The following MUC3A variants were observed in gnomAD, a reference collection of about 807,000 sequenced individuals.
The protein encoded by MUC3A is mucin 3A, cell surface associated, also known as mucin-3A.
Under a neutral mutation model 109.0 loss-of-function variants are expected in MUC3A, and 109 were observed. The observed-to-expected ratio is 1.00, with a 90% confidence interval of 0.86 to 1.17. The LOEUF (loss-of-function observed/expected upper bound fraction) is 1.17. Ranked by LOEUF, MUC3A falls within the 50% of genes most tolerant of loss-of-function variation. The probability of loss-of-function intolerance (pLI) is 0.00; values close to 1 mark genes in which losing one functional copy is unlikely to be tolerated. For missense variants in MUC3A, 3,537 were observed against 2,469.4 expected (o/e 1.43, Z -9.16); for synonymous variants, 1,398 against 981.4 (o/e 1.42, Z -7.93).
rs1267895635 is a variant in MUC3A at position 100,960,625 on chromosome 7, C to G, written c.8846C>G (p.Ser2949Cys). 2 of 1,598,042 alleles carry G rather than the reference C, an allele frequency of 1.3e-6. No individual in the cohort carries two copies. Among genetic ancestry groups the G allele is most frequent in the Non-Finnish European group, 1.7e-6 (2 of 1,179,442 alleles). The change falls in exon 2 of 12, where the codon TCC (serine) becomes TGC (cysteine). Residue 2949 changes from serine to cysteine, a missense_variant. Transcript: ENST00000379458. ...ATCACTTCTCAGATGACCACACAGTCCACGTTGACCACCACTGCAGGTTGG... is the reference window on the plus strand; with the variant it reads ...ATCACTTCTCAGATGACCACACAGTGCACGTTGACCACCACTGCAGGTTGG... Reference protein sequence around the residue: ...TRITSQMTTQSTLTTTAGTCD... With the variant: ...TRITSQMTTQCTLTTTAGTCD...
At chr7:100,951,306 G>T (rs1303235439) in intron 1 of MUC3A, among the ~76,000 whole-genome samples, 1 of 152,298 alleles carries the variant, frequency 6.6e-6, no homozygotes, top group Non-Finnish European at 1.5e-5. Flanking sequence ...TCTTTGTTCA[G>T]CTTTCCCTGT....
intron 7 of MUC3A, 59 bp from the exon 8 acceptor site, chr7:100,965,645 G>A (rs968214503): frequency 2.7e-5 from 42 of 1,549,894 alleles, no homozygotes; most frequent in Non-Finnish European, 3.4e-5. Context: ...CCGTTATCAG[G>A]CCCCTGAATA....
intron 1 of MUC3A, among the ~76,000 whole-genome samples, chr7:100,950,675 C>A (rs1432449358): frequency 6.6e-6 from 1 of 152,288 alleles, no homozygotes; most frequent in Admixed American, 6.5e-5. Context: ...GTCCCTGACA[C>A]CCCCGACAGC....
chr7:100,952,567 T>C lies in MUC3A; in HGVS notation c.788T>C (p.Ile263Thr), dbSNP rs1210580212. ...VTSTSPITSS[I>T]TSTNTVTSMT... ...TCCACTTCCCCCATCACTTCTTCAATCACTTCCACAAATACAGTGACTTCT... is the reference window on the plus strand; with the variant it reads ...TCCACTTCCCCCATCACTTCTTCAACCACTTCCACAAATACAGTGACTTCT... The change falls in exon 2 of 12, where the codon ATC becomes ACC. Residue 263 changes from isoleucine (I) to threonine (T), a missense_variant. Physicochemically the swap from Ile to Thr is moderately conservative, Grantham distance 89. Transcript: ENST00000379458. The C allele has an allele frequency of 4.4e-6, 7 of 1,598,370 alleles. No individual in the cohort carries two copies. Among genetic ancestry groups the C allele is most frequent in the Non-Finnish European group, 5.9e-6 (7 of 1,179,744 alleles).
chr7:100,953,561 AGG>A lies in MUC3A; in HGVS notation c.1783_1784del (p.Gly595AsnfsTer15). The A allele has an allele frequency of 4.7e-6, 2 of 423,328 alleles. No individual in the cohort carries two copies. The highest frequency in any genetic ancestry group is 8.4e-5 in the South Asian group (1 of 11,976). The allele number at this position is 423,328 out of a possible 1,614,324, so 26.2% of individuals were successfully genotyped here. The part of the protein sequence containing the change: ...EPPSTTAATT[G>X]TGQTTFTSST... ...CACCTTCAACCACTGCAGCAACTACAGGAACAGGTCAGACCACCTTCACCAGC... is the reference window on the plus strand; with the variant it reads ...CACCTTCAACCACTGCAGCAACTACAAACAGGTCAGACCACCTTCACCAGC... On this transcript the variant is annotated frameshift_variant, in exon 2 of 12. Transcript: ENST00000379458. LOFTEE classifies it high-confidence loss of function.
chr7:100,967,148 T>G lies in MUC3A; in HGVS notation c.9958T>G (p.Ser3320Ala). The G allele has an allele frequency of 2.5e-6, 4 of 1,598,556 alleles. No homozygotes were observed. Among genetic ancestry groups the G allele is most frequent in the Non-Finnish European group, 2.5e-6 (3 of 1,179,826 alleles). The change falls in exon 12 of 12, where the codon TCG becomes GCG. Residue 3320 changes from serine (S) to alanine (A), a missense_variant. By Grantham distance (99) the Ser-to-Ala change is moderately conservative (BLOSUM62 1). Transcript: ENST00000379458. Reference protein sequence around the residue: ...KVHIKRPEMTSSSV With the variant: ...KVHIKRPEMTASSV ...GCACATCAAGAGACCCGAGATGACCTCGTCCTCAGTGTGAGCCCTGCGGGG... is the reference window on the plus strand; with the variant it reads ...GCACATCAAGAGACCCGAGATGACCGCGTCCTCAGTGTGAGCCCTGCGGGG...
rs371536285 is a variant in MUC3A, at chr7:100,960,019, C to G, written c.8240C>G (p.Ser2747Cys). Reference protein sequence around the residue: ...ATTSTSSTSSSLTTALTEITP... With the variant: ...ATTSTSSTSSCLTTALTEITP... Reference sequence around the variant, plus strand: ...ACCAGCACTTCTTCAACCAGCTCCTCTCTGACCACAGCTCTCACTGAAATA... The same window carrying G: ...ACCAGCACTTCTTCAACCAGCTCCTGTCTGACCACAGCTCTCACTGAAATA... The change falls in exon 2 of 12, where the codon TCT becomes TGT. Residue 2747 changes from serine to cysteine, a missense_variant. By Grantham distance (112) the Ser-to-Cys change is moderately radical (BLOSUM62 -1). Transcript: ENST00000379458. 2,145 of 1,509,700 alleles carry G rather than the reference C, an allele frequency of 1.4e-3. No homozygotes were observed. The highest frequency in any genetic ancestry group is 1.8e-3 in the Non-Finnish European group (2,048 of 1,140,814). 93.5% of individuals were successfully genotyped at this position (1,509,700 alleles called of 1,614,324 possible).
In MUC3A at chr7:100,959,620, T is replaced by C. The variant is rs1378395176; in HGVS notation, c.7841T>C (p.Leu2614Pro). 4 of 1,598,450 alleles carry C rather than the reference T, an allele frequency of 2.5e-6. No homozygotes were observed. The South Asian group carries it at 4.4e-5, about 18-fold the overall frequency. Residue 2614 changes from leucine to proline, a missense_variant, in exon 2 of 12, where the codon CTT becomes CCT. Leu to Pro is a moderately conservative substitution (Grantham distance 98). Transcript: ENST00000379458. The part of the protein sequence containing the change: ...TDSSTSTLHT[L>P]TPSTALSTIV... ...TCCTCCACGTCCACTCTTCATACTCTTACTCCATCAACAGCCTTGAGCACG... is the reference window on the plus strand; with the variant it reads ...TCCTCCACGTCCACTCTTCATACTCCTACTCCATCAACAGCCTTGAGCACG...
Position 100,960,649 on chromosome 7 carries a change from G to A in MUC3A, c.8866+4G>A. ...TCCACGTTGACCACCACTGCAGGTT[G>A]GACCTTCTGCCTCTCTGTTCCCCTC... On this transcript the variant is annotated splice_donor_region_variant and intron_variant, in intron 2 of 11. Transcript: ENST00000379458. 6.3e-7 allele frequency: 1 copy of A among 1,596,626 alleles called. No homozygotes were observed. Among genetic ancestry groups the A allele is most frequent in the Non-Finnish European group, 8.5e-7 (1 of 1,178,586 alleles).
Position 100,967,250 on chromosome 7 carries a change from C to T in MUC3A, c.*88C>T, listed in dbSNP as rs1792627511. 5.1e-6 allele frequency: 8 copies of T among 1,569,816 alleles called. No homozygotes were observed. Among genetic ancestry groups the T allele is most frequent in the African/African-American group, 1.3e-5 (1 of 74,238 alleles). On this transcript the variant is annotated 3_prime_UTR_variant, in exon 12 of 12. Coordinates refer to ENST00000379458, the MANE Select transcript of MUC3A (RefSeq NM_005960.2). Reference sequence around the variant, plus strand: ...TCCATTTCAAGAGGTGGCCCCAGGACGCGGGCAGCCCAGGCTCCTGCTGTT... The same window carrying T: ...TCCATTTCAAGAGGTGGCCCCAGGATGCGGGCAGCCCAGGCTCCTGCTGTT...
rs1326956102 is a variant in MUC3A, at chr7:100,959,109, A to T, written c.7330A>T (p.Ser2444Cys). ...CACCTCAGAGAGTACTCCCAGCCTC[A>T]GTTCTTCAACCATCTACTCCACAGT... ...ETTSESTPSLSSSTIYSTVST... is the reference protein window; with the variant it reads ...ETTSESTPSLCSSTIYSTVST... The change falls in exon 2 of 12, where the codon AGT becomes TGT. Residue 2444 changes from serine to cysteine, a missense_variant. By Grantham distance (112) the Ser-to-Cys change is moderately radical. Coordinates refer to ENST00000379458, the MANE Select transcript of MUC3A (RefSeq NM_005960.2). 6.3e-7 allele frequency: 1 copy of T among 1,595,972 alleles called. No homozygotes were observed. Among genetic ancestry groups the T allele is most frequent in the East Asian group, 2.2e-5 (1 of 44,756 alleles).
At chr7:100,965,026 T>A in intron 6 of MUC3A, 183 bp downstream of exon 6, 1 of 1,141,648 alleles carries the variant, frequency 8.8e-7, no homozygotes, top group Non-Finnish European at 1.2e-6. Flanking sequence ...CCCCGTGACC[T>A]CGGTACTGGG....
rs774969181 is a variant in MUC3A at position 100,960,512 on chromosome 7, C to T, written c.8733C>T (p.His2911=). 4 of 1,598,568 alleles carry T rather than the reference C, an allele frequency of 2.5e-6. No individual in the cohort carries two copies. The highest frequency in any genetic ancestry group is 1.7e-5 in the Admixed American group (1 of 60,010). The change falls in exon 2 of 12, where the codon CAC becomes CAT. Residue 2911 remains histidine, a synonymous_variant. Transcript: ENST00000379458. ...TGAGGACTTCAAGCAAGTCAACACA[C>T]CCCTCCCCACCCACCACTAGGACTT... ...TILRTSSKST[H]PSPPTTRTSE...
chr7:100,962,984 G>A (rs1792388998), intron 3 of MUC3A, among the ~76,000 whole-genome samples, 167 bp from the exon 4 acceptor site: 1 of 152,254 alleles, frequency 6.6e-6, no homozygotes, highest in Admixed American at 6.5e-5. Flanking sequence ...GCCTCCTGAG[G>A]CATAATGCAT....
chr7:100,961,162 C>G (rs1315638771), intron 3 of MUC3A, among the ~76,000 whole-genome samples: 1 of 152,310 alleles, frequency 6.6e-6, no homozygotes, highest in Non-Finnish European at 1.5e-5. Flanking sequence ...CATCTCCTGA[C>G]TTGGGCTGCT....
rs1363337413 is a variant in MUC3A, at chr7:100,956,072, G to A, written c.4293G>A (p.Val1431=). ...CTACACCTGTCCCAAGCACAGAGGT[G>A]ACCACCAGTCATACCACAAACACCA... is the stretch of plus-strand genomic sequence containing the variant. ...LSSTPVPSTE[V]TTSHTTNTNP... The change falls in exon 2 of 12, where the codon GTG becomes GTA. Residue 1431 remains valine, a synonymous_variant. Coordinates refer to ENST00000379458, the MANE Select transcript of MUC3A (RefSeq NM_005960.2). The A allele has an allele frequency of 2.3e-6, 1 of 437,126 alleles. No homozygotes were observed. Among genetic ancestry groups the A allele is most frequent in the African/African-American group, 2.0e-5 (1 of 49,256 alleles). The allele number at this position is 437,126 out of a possible 1,614,324, so 27.1% of individuals were successfully genotyped here. A position where few individuals can be genotyped will look rare whatever the true frequency, so the allele number is the denominator to read the frequency against.
intron 3 of MUC3A, among the ~76,000 whole-genome samples, chr7:100,962,026 A>T (rs1792347707): frequency 8.7e-6 from 1 of 115,076 alleles, no homozygotes; most frequent in African/African-American, 2.8e-5. Flanking sequence ...AGGTCAGGAG[A>T]TCGAGACCAT....
chr7:100,965,680 T>C (rs1224441045), intron 7 of MUC3A, 24 bp from the exon 8 acceptor site: 2 of 1,591,726 alleles, frequency 1.3e-6, no homozygotes, highest in Admixed American at 1.7e-5. Flanking sequence ...CTTGTCTCTG[T>C]GCATCCCCCT....
chr7:100,960,831 C>T lies in MUC3A; in HGVS notation c.8946C>T (p.Leu2982=). The part of the protein sequence containing the change: ...LPGFSGDRCQ[L]QTRCQNGGQW... The stretch of plus-strand genomic sequence containing the variant: ...GGTTTTCTGGGGACCGCTGTCAGCT[C>T]CAGACCAGATGCCAGAATGGGGGTC... The change falls in exon 3 of 12, where the codon CTC becomes CTT. Residue 2982 remains leucine, a synonymous_variant. Transcript: ENST00000379458. 6.3e-7 allele frequency: 1 copy of T among 1,598,534 alleles called. No homozygotes were observed. The highest frequency in any genetic ancestry group is 8.5e-7 in the Non-Finnish European group (1 of 1,179,814).
Sources: allele counts gnomAD v4.1 joint callset (sites outside exome capture counted in the v4.1 genomes callset), GRCh38; gene constraint gnomAD v4.1.1; transcripts MANE v1.5; gene names NCBI Gene and HGNC (gene_info 2026-07-23, HGNC 2026-07-21).